The following CAMTA1 variants were observed in gnomAD, a reference collection of about 807,000 sequenced individuals.
The protein encoded by CAMTA1 is calmodulin-binding transcription activator 1.
In CAMTA1, 27 loss-of-function variants were observed where a neutral mutation model predicts 170.9. The observed-to-expected ratio is 0.16, with a 90% CI of 0.12 to 0.22. The LOEUF (loss-of-function observed/expected upper bound fraction) is 0.22, where lower values mean the gene tolerates loss of function less well. Among genes scored for constraint, CAMTA1 ranks in the 10% least tolerant of loss-of-function variants. The probability of loss-of-function intolerance (pLI) is 1.00; values close to 1 mark genes in which losing one functional copy is unlikely to be tolerated. For missense variants in CAMTA1, 1,619 were observed against 2,217.2 expected (o/e 0.73, Z 5.42); for synonymous variants, 833 against 891.5 (o/e 0.93, Z 1.17).
At chr1:7,527,253 C>G (rs1391032381) in intron 6 of CAMTA1, among the ~76,000 whole-genome samples, 1 of 152,206 alleles carries the variant, frequency 6.6e-6, no homozygotes, top group Non-Finnish European at 1.5e-5. Flanking sequence ...GGAAGGTGAC[C>G]TAAACTGCCA....
chr1:7,116,506 A>T (rs143670833), intron 4 of CAMTA1, among the ~76,000 whole-genome samples: 1 of 152,318 alleles, frequency 6.6e-6, no homozygotes, highest in East Asian at 1.9e-4. Context: ...TGGTGAAGCA[A>T]TCAGAGAATA....
At chr1:7,037,229 T>C (rs1168085726) in intron 3 of CAMTA1, among the ~76,000 whole-genome samples, 2 of 152,214 alleles carry the variant, frequency 1.3e-5, no homozygotes, top group African/African-American at 4.8e-5. Context: ...TGAGATTGCA[T>C]GAATGCTTCT....
At chr1:7,414,161 G>T (rs1404721688) in intron 5 of CAMTA1, among the ~76,000 whole-genome samples, 1 of 152,218 alleles carries the variant, frequency 6.6e-6, no homozygotes, top group African/African-American at 2.4e-5. Flanking sequence ...CGGTTTGCCA[G>T]TGTTTTATTG....
chr1:7,577,911 C>T (rs1002773197), intron 6 of CAMTA1, among the ~76,000 whole-genome samples: 26 of 152,180 alleles, frequency 1.7e-4, no homozygotes, highest in African/African-American at 6.0e-4. Flanking sequence ...TGGCCTAGAT[C>T]ATCATTTTCA....
intron 5 of CAMTA1, among the ~76,000 whole-genome samples, chr1:7,308,129 T>A (rs564039284): frequency 6.6e-6 from 1 of 152,128 alleles, no homozygotes; most frequent in East Asian, 1.9e-4. Flanking sequence ...TTCATCTAAG[T>A]TGTAGAATTT....
intron 5 of CAMTA1, among the ~76,000 whole-genome samples, chr1:7,345,850 G>T (rs896340906): frequency 6.6e-6 from 1 of 152,176 alleles, no homozygotes; most frequent in Non-Finnish European, 1.5e-5. Flanking sequence ...CTAAATACAT[G>T]AGAAGAATCC....
intron 3 of CAMTA1, among the ~76,000 whole-genome samples, chr1:7,078,896 C>A (rs12023571): frequency 0.25 from 37,254 of 151,872 alleles, 4,628 homozygotes; most frequent in East Asian, 0.33. Flanking sequence ...GAGGTTGATA[C>A]ATCTAGAATT....
At chr1:6,863,821 C>T (rs1665647578) in intron 3 of CAMTA1, among the ~76,000 whole-genome samples, 1 of 152,146 alleles carries the variant, frequency 6.6e-6, no homozygotes, top group Non-Finnish European at 1.5e-5. Flanking sequence ...CTTAATTTTC[C>T]CCTAAAGTCT....
rs6703942 is a variant in CAMTA1, at chr1:7,155,579, G to T, written c.302+64208G>T. Among the ~76,000 whole-genome samples, 5 of 151,008 alleles carry T rather than the reference G, an allele frequency of 3.3e-5. No individual in the cohort carries two copies. The East Asian group carries it at 7.9e-4, about 24-fold the overall frequency. ...TCCTGAGTGGCTGGGACCACAGGTG[G>T]GTGCCACCATGCCTGGTTAATTTTT... On this transcript the variant is annotated intron_variant, in intron 4 of 22. Transcript: ENST00000303635.
At chr1:7,265,596 G>C (rs11120891) in intron 5 of CAMTA1, among the ~76,000 whole-genome samples, 92,381 of 152,044 alleles carry the variant, frequency 0.61, 28,465 homozygotes, top group Non-Finnish European at 0.66. Flanking sequence ...TTACAGGTGT[G>C]AGCCACTGCA....
intron 5 of CAMTA1, among the ~76,000 whole-genome samples, chr1:7,253,541 A>G (rs1666926295): frequency 6.6e-6 from 1 of 152,186 alleles, no homozygotes; most frequent in African/African-American, 2.4e-5. Flanking sequence ...CACAATTACT[A>G]CTGAGACAGT....
chr1:7,348,367 C>T (rs2084381136), intron 5 of CAMTA1, among the ~76,000 whole-genome samples: 1 of 152,224 alleles, frequency 6.6e-6, no homozygotes, highest in Non-Finnish European at 1.5e-5. Context: ...TCGTGCCAGT[C>T]ATGCCTGTCT....
chr1:7,690,846 T>C (rs1330780060), intron 11 of CAMTA1, among the ~76,000 whole-genome samples: 6 of 152,250 alleles, frequency 3.9e-5, no homozygotes, highest in Non-Finnish European at 7.3e-5. Context: ...CTCTATGCCA[T>C]GTGAGGCTTC....
chr1:6,901,441 A>C (rs1676916208), intron 3 of CAMTA1, among the ~76,000 whole-genome samples: 1 of 152,228 alleles, frequency 6.6e-6, no homozygotes, highest in Non-Finnish European at 1.5e-5. Flanking sequence ...TAATGAAAAA[A>C]CAAGCCACAG....
chr1:6,789,802 A>ATTT (rs1242793003), intron 1 of CAMTA1, among the ~76,000 whole-genome samples: 2 of 112,030 alleles, frequency 1.8e-5, no homozygotes, highest in African/African-American at 3.3e-5. Flanking sequence ...ATTTTAGTGT[A>ATTT]TCTTTTTTTT....
At position 7,238,453 on chromosome 1, in the gene CAMTA1, G is replaced by A. The variant is rs894870939; in HGVS notation, c.303-11038G>A. On this transcript the variant is annotated intron_variant, in intron 4 of 22. Transcript: ENST00000303635. ...TCTGAGCATTAAGCAGTTAATGTAC[G>A]TGAAGAATAGAACATGGAATGACCA... 1.2e-4 allele frequency among the ~76,000 whole-genome samples: 19 copies of A among 152,222 alleles called. No homozygotes were observed. In the South Asian group the frequency reaches 2.3e-3, roughly 18 times the overall value.
chr1:6,943,786 G>T (rs1355630214), intron 3 of CAMTA1, among the ~76,000 whole-genome samples: 3 of 146,616 alleles, frequency 2.0e-5, no homozygotes, highest in East Asian at 4.1e-4. Context: ...GGCGGAGGTT[G>T]CAGTGAGCCG....
chr1:6,819,824 A>G (rs1395434449), intron 1 of CAMTA1, among the ~76,000 whole-genome samples: 1 of 152,240 alleles, frequency 6.6e-6, no homozygotes, highest in African/African-American at 2.4e-5. Flanking sequence ...AGTAATCACA[A>G]CCAGGAAGTT....
At position 7,426,124 on chromosome 1, in the gene CAMTA1, C is replaced by A. The variant is rs2091864098; in HGVS notation, c.439-41706C>A. The stretch of plus-strand genomic sequence containing the variant: ...CTCCTTCTGCTAGTCCCATCAGCCA[C>A]CCCATCTCTAAACACTTCTGAGCAG... On this transcript the variant is annotated intron_variant, in intron 5 of 22. Coordinates refer to ENST00000303635, the MANE Select transcript of CAMTA1 (RefSeq NM_015215.4). The surrounding 1 kb of genome is among the most constrained non-coding windows in gnomAD (Gnocchi z 4.8). 1.3e-5 allele frequency among the ~76,000 whole-genome samples: 2 copies of A among 151,964 alleles called. No homozygotes were observed. Among genetic ancestry groups the A allele is most frequent in the South Asian group, 4.1e-4 (2 of 4,826 alleles).
Sources: allele counts gnomAD v4.1 joint callset (sites outside exome capture counted in the v4.1 genomes callset), GRCh38; gene constraint gnomAD v4.1.1; non-coding constraint Gnocchi (gnomAD v3.1); transcripts MANE v1.5; gene names NCBI Gene and HGNC (gene_info 2026-07-23, HGNC 2026-07-21).